The following C3orf20 variants were observed in gnomAD, a reference collection of about 807,000 sequenced individuals.
C3orf20 encodes family with sequence similarity 149 member C, also known as uncharacterized protein C3orf20.
A neutral mutation model predicts 88.3 loss-of-function variants in C3orf20; 76 were observed. The observed-to-expected ratio is 0.86, with a 90% confidence interval of 0.72 to 1.04. C3orf20 has a LOEUF of 1.04. Among genes scored for constraint, C3orf20 ranks in the 50% least tolerant of loss-of-function variants. The pLI is 0.00. For missense variants in C3orf20, 1,056 were observed against 1,123.3 expected (o/e 0.94, Z 0.86); for synonymous variants, 436 against 437.4 (o/e 1.00, Z 0.04).
intron 6 of C3orf20, among the ~76,000 whole-genome samples, chr3:14,704,083 A>G (rs1030989028): frequency 2.0e-5 from 3 of 151,182 alleles, no homozygotes; most frequent in East Asian, 3.9e-4. Context: ...TTCCACACAC[A>G]CTCCTACTCC....
At chr3:14,677,593 C>T (rs930075291) in intron 1 of C3orf20, among the ~76,000 whole-genome samples, 5 of 152,054 alleles carry the variant, frequency 3.3e-5, no homozygotes, top group African/African-American at 1.2e-4. Flanking sequence ...CTCTGCCTCC[C>T]GGGTTCAGGC....
intron 12 of C3orf20, among the ~76,000 whole-genome samples, chr3:14,750,195 T>A (rs1213768336): frequency 6.6e-6 from 1 of 152,190 alleles, no homozygotes; most frequent in African/African-American, 2.4e-5. Flanking sequence ...TTAGCTTTTG[T>A]TTGTCTGGGA....
At chr3:14,755,744 T>G (rs1248323380) in intron 12 of C3orf20, among the ~76,000 whole-genome samples, 1 of 152,148 alleles carries the variant, frequency 6.6e-6, no homozygotes, top group Non-Finnish European at 1.5e-5. Context: ...AATAAGAGTT[T>G]CTGGGCTGGG....
intron 5 of C3orf20, among the ~76,000 whole-genome samples, chr3:14,696,917 T>C (rs1056551476): frequency 6.6e-6 from 1 of 152,142 alleles, no homozygotes; most frequent in Non-Finnish European, 1.5e-5. Flanking sequence ...TATTTCTTCA[T>C]GTTTTAAGGA....
intron 12 of C3orf20, among the ~76,000 whole-genome samples, chr3:14,745,375 A>G (rs918708484): frequency 8.5e-5 from 13 of 152,238 alleles, no homozygotes; most frequent in African/African-American, 2.7e-4. Context: ...CCTTATGCCT[A>G]TGCAAGCAAG....
In C3orf20 at chr3:14,714,138, T is replaced by A. The variant is rs1388573550; in HGVS notation, c.1292T>A (p.Val431Asp). ...TTCAATACTGAAGGCCAGGGCTGTG[T>A]TCACTACAACCTAAAAACCAGGTAA... The part of the protein sequence containing the change: ...ALFNTEGQGC[V>D]HYNLKTSCPY... Residue 431 changes from valine to aspartate, a missense_variant, in exon 8 of 17, where the codon GTT becomes GAT. Coordinates refer to ENST00000253697, the MANE Select transcript of C3orf20 (RefSeq NM_032137.5). 3.1e-6 allele frequency: 5 copies of A among 1,613,952 alleles called. No individual in the cohort carries two copies. The highest frequency in any genetic ancestry group is 1.7e-4 in the Middle Eastern group (1 of 5,924).
rs540630958 is a variant in C3orf20 at position 14,766,763 on chromosome 3, G to A, written c.2495+5148G>A. Among the ~76,000 whole-genome samples, 5 of 152,342 alleles carry A rather than the reference G, an allele frequency of 3.3e-5. No homozygotes were observed. The South Asian group carries it at 1.0e-3, about 32-fold the overall frequency. On this transcript the variant is annotated intron_variant, in intron 15 of 16. Transcript: ENST00000253697. Reference sequence around the variant, plus strand: ...GAGGGCAGTTGGCCCTCTTAGCTCAGCCTGCCAGCACCCAGGATGCAGAGA... The same window carrying A: ...GAGGGCAGTTGGCCCTCTTAGCTCAACCTGCCAGCACCCAGGATGCAGAGA...
chr3:14,691,269 A>G (rs1204226696), intron 5 of C3orf20, among the ~76,000 whole-genome samples: 1 of 152,186 alleles, frequency 6.6e-6, no homozygotes, highest in Non-Finnish European at 1.5e-5. Flanking sequence ...TTGTGGTACA[A>G]TAACCCACAG....
intron 9 of C3orf20, among the ~76,000 whole-genome samples, chr3:14,720,295 G>C (rs2034106360): frequency 1.3e-5 from 2 of 152,206 alleles, no homozygotes; most frequent in African/African-American, 2.4e-5. Context: ...CTCCCAAAAT[G>C]CTGGGATTAC....
Position 14,681,358 on chromosome 3 carries a change from C to T in C3orf20, c.-298-812C>T, listed in dbSNP as rs115390071. ...GAGCATTGTCTAGTGGAAAAGAAGA[C>T]GTAGGTGTGTTGGCTGGAGTGGTTG... On this transcript the variant is annotated intron_variant, in intron 1 of 16. Coordinates refer to ENST00000253697, the MANE Select transcript of C3orf20 (RefSeq NM_032137.5). Among the ~76,000 whole-genome samples, 969 of 152,290 alleles carry T rather than the reference C, an allele frequency of 6.4e-3. 12 individuals are homozygous for T. Among genetic ancestry groups the T allele is most frequent in the African/African-American group, 0.022 (910 of 41,544 alleles).
At chr3:14,690,201 G>A in intron 5 of C3orf20, 85 bp downstream of exon 5, 1 of 1,581,878 alleles carries the variant, frequency 6.3e-7, no homozygotes, top group Non-Finnish European at 8.6e-7. Context: ...GTGTAGGTTG[G>A]TGGGATGGTT....
At chr3:14,710,796 G>A (rs1463170479) in intron 7 of C3orf20, among the ~76,000 whole-genome samples, 1 of 152,188 alleles carries the variant, frequency 6.6e-6, no homozygotes, top group African/African-American at 2.4e-5. Context: ...AATGTGAGAA[G>A]AATGTGTGTT....
intron 5 of C3orf20, among the ~76,000 whole-genome samples, chr3:14,699,099 T>G (rs962181541): frequency 1.3e-5 from 2 of 152,104 alleles, no homozygotes; most frequent in African/African-American, 2.4e-5. Flanking sequence ...CACTGTTCAC[T>G]TAAGGTCCAA....
intron 12 of C3orf20, among the ~76,000 whole-genome samples, chr3:14,743,399 T>C (rs142282584): frequency 0.011 from 1,631 of 152,130 alleles, 65 homozygotes; most frequent in African/African-American, 0.038. Flanking sequence ...CTTGGGCAGC[T>C]CTGCCCCTGT....
At chr3:14,756,234 A>G (rs978097098) in intron 12 of C3orf20, among the ~76,000 whole-genome samples, 3 of 151,504 alleles carry the variant, frequency 2.0e-5, no homozygotes, top group African/African-American at 7.3e-5. Context: ...AGGTAGAATC[A>G]TAGCAGCACT....
At position 14,768,439 on chromosome 3, in the gene C3orf20, G is replaced by A. The variant is rs1333573260; in HGVS notation, c.2496-3628G>A. Among the ~76,000 whole-genome samples, 1 of 152,046 alleles carries A rather than the reference G, an allele frequency of 6.6e-6. No homozygotes were observed. Among genetic ancestry groups the A allele is most frequent in the Non-Finnish European group, 1.5e-5 (1 of 68,036 alleles). ...CAAGGAAGCCCCTTGGACAGGCAGG[G>A]GAAGGGCATGCAGACGTAGGCTTTC... On this transcript the variant is annotated intron_variant, in intron 15 of 16. Transcript: ENST00000253697. This position sits in a 1 kb window ranked among gnomAD's most constrained non-coding sequence, Gnocchi z 4.1.
chr3:14,731,839 T>C (rs540528370), intron 12 of C3orf20, among the ~76,000 whole-genome samples: 1 of 152,234 alleles, frequency 6.6e-6, no homozygotes, highest in African/African-American at 2.4e-5. Context: ...CTAATGTTAA[T>C]TTTTTTGTGT....
chr3:14,739,557 A>C (rs1427474491), intron 12 of C3orf20, among the ~76,000 whole-genome samples: 1 of 152,230 alleles, frequency 6.6e-6, no homozygotes, highest in Non-Finnish European at 1.5e-5. Context: ...GCCTAAAGTC[A>C]CCAGCTGCCT....
chr3:14,721,618 C>T (rs768268588), intron 9 of C3orf20, 35 bp from the exon 10 acceptor site: 1 of 1,609,534 alleles, frequency 6.2e-7, no homozygotes, highest in South Asian at 1.1e-5. Flanking sequence ...GCCGTTGAAG[C>T]AGGGATTCTC....
Sources: allele counts gnomAD v4.1 joint callset (sites outside exome capture counted in the v4.1 genomes callset), GRCh38; gene constraint gnomAD v4.1.1; non-coding constraint Gnocchi (gnomAD v3.1); transcripts MANE v1.5; gene names NCBI Gene and HGNC (gene_info 2026-07-23, HGNC 2026-07-21).